Variants in TANC1 observed in about 807,000 individuals in gnomAD.
TANC1 encodes the protein protein TANC1.
In TANC1, 77 loss-of-function variants were observed where a neutral mutation model predicts 149.7. The ratio of observed to expected loss-of-function variants is 0.51; its 90% CI spans 0.43 to 0.62. The LOEUF is 0.62. Ranked by LOEUF, TANC1 falls within the 20% of genes least tolerant of loss-of-function variation. The probability of loss-of-function intolerance (pLI) is 0.00; values close to 1 mark genes in which losing one functional copy is unlikely to be tolerated. For synonymous variants in TANC1, 854 were observed against 925.0 expected, an observed-to-expected ratio of 0.92 and a Z score of 1.39; for missense variants, 1,985 against 2,321.8, an observed-to-expected ratio of 0.85 and a Z score of 2.98.
At chr2:159,034,616 A>C (rs2040036065) in intron 2 of TANC1, among the ~76,000 whole-genome samples, 1 of 152,194 alleles carries the variant, frequency 6.6e-6, no homozygotes, top group Admixed American at 6.5e-5. Flanking sequence ...TGTCTCATGG[A>C]AATGGAAGCT....
Position 159,172,878 on chromosome 2 carries a change from G to A in TANC1, c.1503+606G>A, listed in dbSNP as rs907561102. Among the ~76,000 whole-genome samples the A allele has an allele frequency of 6.6e-5, 10 of 152,176 alleles. No homozygotes were observed. In the East Asian group the frequency reaches 1.3e-3, roughly 21 times the overall value. ...TCCCTGGGCAGCAGTGGTGTGAGTCGGTGGAGCTGGAGAGCTGCTGGAGCC... is the reference window on the plus strand; with the variant it reads ...TCCCTGGGCAGCAGTGGTGTGAGTCAGTGGAGCTGGAGAGCTGCTGGAGCC... On this transcript the variant is annotated intron_variant, in intron 11 of 26. Coordinates refer to ENST00000263635, the MANE Select transcript of TANC1 (RefSeq NM_033394.3).
chr2:159,036,916 A>T (rs947122942), intron 2 of TANC1, among the ~76,000 whole-genome samples: 1 of 152,210 alleles, frequency 6.6e-6, no homozygotes, highest in Non-Finnish European at 1.5e-5. Flanking sequence ...CTAGTTCTAG[A>T]TCCTTGAGGA....
intron 2 of TANC1, among the ~76,000 whole-genome samples, chr2:159,002,879 A>T (rs531629526): frequency 6.6e-6 from 1 of 152,234 alleles, no homozygotes; most frequent in African/African-American, 2.4e-5. Flanking sequence ...AAGATGTCTC[A>T]TGGCAGGTCC....
chr2:159,096,798 G>A (rs887746277), intron 3 of TANC1, among the ~76,000 whole-genome samples: 5 of 152,302 alleles, frequency 3.3e-5, no homozygotes, highest in African/African-American at 9.6e-5. Flanking sequence ...GGGAACAGAC[G>A]TGAACTACTA....
In TANC1 at chr2:159,133,340, G is replaced by C. The variant is rs149573038; in HGVS notation, c.260-2854G>C. On this transcript the variant is annotated intron_variant, in intron 4 of 26. Coordinates refer to ENST00000263635, the MANE Select transcript of TANC1 (RefSeq NM_033394.3). ...TATATGGGTTCTTGTCTTTGTTCTGGTTCCTTTTTTTTTTTTTTCTCTTTT... is the reference window on the plus strand; with the variant it reads ...TATATGGGTTCTTGTCTTTGTTCTGCTTCCTTTTTTTTTTTTTTCTCTTTT... 4.6e-4 allele frequency among the ~76,000 whole-genome samples: 66 copies of C among 142,426 alleles called. No homozygotes were observed. The East Asian group carries it at 0.011, about 24-fold the overall frequency. The allele number at this position is 142,426 out of a possible 152,430, so 93.4% of individuals were successfully genotyped here.
intron 4 of TANC1, among the ~76,000 whole-genome samples, chr2:159,123,455 A>T (rs1424265658): frequency 6.6e-6 from 1 of 152,018 alleles, no homozygotes; most frequent in African/African-American, 2.4e-5. Context: ...GGAAGCTTTC[A>T]AGGGACTGGG....
chr2:159,059,198 G>C (rs975918326), intron 2 of TANC1, among the ~76,000 whole-genome samples: 2 of 152,136 alleles, frequency 1.3e-5, no homozygotes, highest in African/African-American at 4.8e-5. Flanking sequence ...ATATTTTCCA[G>C]CTATGCAAAT....
At chr2:159,176,275 C>T in intron 12 of TANC1, 77 bp from the exon 13 acceptor site, 5 of 761,780 alleles carry the variant, frequency 6.6e-6, no homozygotes, top group African/African-American at 1.8e-5. Context: ...CTAAACTGGG[C>T]ACTAAAATAC....
At chr2:159,090,396 T>TG (rs771694871) in intron 3 of TANC1, among the ~76,000 whole-genome samples, 4 of 152,216 alleles carry the variant, frequency 2.6e-5, no homozygotes, top group Non-Finnish European at 5.9e-5. Context: ...ACCACCTTCT[T>TG]GCTTCTGTGG....
intron 2 of TANC1, among the ~76,000 whole-genome samples, chr2:159,024,660 A>G (rs891594391): frequency 2.0e-5 from 3 of 152,014 alleles, no homozygotes; most frequent in Admixed American, 6.6e-5. Context: ...CTGAGGCAGG[A>G]GAATCGCTTG....
At chr2:159,196,910 C>A in intron 18 of TANC1, 117 bp downstream of exon 18, 1 of 946,458 alleles carries the variant, frequency 1.1e-6, no homozygotes, top group East Asian at 2.6e-5. Context: ...TGGCGTTGAC[C>A]ACCTGCAGTA....
chr2:159,022,539 G>GT (rs2038912098), intron 2 of TANC1, among the ~76,000 whole-genome samples: 1 of 152,158 alleles, frequency 6.6e-6, no homozygotes, highest in Non-Finnish European at 1.5e-5. Context: ...CAGGTCAGGA[G>GT]TTTGAGACCA....
At chr2:159,005,017 T>C (rs901474353) in intron 2 of TANC1, among the ~76,000 whole-genome samples, 1 of 152,240 alleles carries the variant, frequency 6.6e-6, no homozygotes, top group Admixed American at 6.5e-5. Flanking sequence ...GGGATGGGTC[T>C]GGCTAGTTAT....
intron 1 of TANC1, among the ~76,000 whole-genome samples, chr2:158,979,195 A>G (rs1279132940): frequency 6.6e-6 from 1 of 152,210 alleles, no homozygotes; most frequent in Non-Finnish European, 1.5e-5. Context: ...GTTTATAAGC[A>G]TAGGACCACT....
At position 159,176,480 on chromosome 2, in the gene TANC1, T is replaced by A; in HGVS notation, c.1864T>A (p.Trp622Arg). The A allele has an allele frequency of 6.2e-7, 1 of 1,602,680 alleles. No homozygotes were observed. The highest frequency in any genetic ancestry group is 8.5e-7 in the Non-Finnish European group (1 of 1,177,338). ...ITKIISKFPA[W>R]LKLIVTVRAN... ...CAAAATTATTTCTAAATTTCCTGCC[T>A]GGTTGAAGTTGATTGTGACTGTAAG... Residue 622 changes from tryptophan (W) to arginine (R), a missense_variant, in exon 13 of 27, where the codon TGG becomes AGG. By Grantham distance (101) the Trp-to-Arg change is moderately radical (BLOSUM62 -3). This residue lies in a region of TANC1 where 508 missense variants were observed against 714.2 expected (regional missense o/e 0.71). Coordinates refer to ENST00000263635, the MANE Select transcript of TANC1 (RefSeq NM_033394.3).
In TANC1 at chr2:159,097,733, G is replaced by T. The variant is rs754307451; in HGVS notation, c.158G>T (p.Arg53Met). ...CTTCCCACAGCAGAGGACACCTATA[G>T]GGTGAGCTTGGCCAAAGGTGTCTCG... ...SSLPTAEDTY[R>M]VSLAKGVSMS... Residue 53 changes from arginine (R) to methionine (M), a missense_variant, in exon 4 of 27, where the codon AGG becomes ATG. Physicochemically the swap from Arg to Met is moderately conservative, Grantham distance 91. Transcript: ENST00000263635. 3.1e-6 allele frequency: 5 copies of T among 1,614,086 alleles called. No individual in the cohort carries two copies. The East Asian group carries it at 1.1e-4, about 36-fold the overall frequency.
intron 4 of TANC1, among the ~76,000 whole-genome samples, chr2:159,124,587 C>T (rs1026775250): frequency 2.0e-5 from 3 of 152,128 alleles, no homozygotes; most frequent in Admixed American, 2.0e-4. Flanking sequence ...TGGCTTAAGG[C>T]CTACTTCCTG....
rs896691332 is a variant in TANC1, at chr2:159,174,988, G to A, written c.1539G>A (p.Thr513=). Residue 513 remains threonine, a synonymous_variant, in exon 12 of 27, where the codon ACG becomes ACA. Transcript: ENST00000263635. ...VAYHYCQADN[T]YTCLVPEFVH... is the part of the protein sequence containing the mutation. ...ACCACTACTGCCAGGCTGACAACAC[G>A]TACACTTGCCTGGTGCCCGAGTTTG... 1.9e-6 allele frequency: 3 copies of A among 1,614,094 alleles called. No individual in the cohort carries two copies. Among genetic ancestry groups the A allele is most frequent in the Non-Finnish European group, 2.5e-6 (3 of 1,180,034 alleles).
At chr2:159,121,169 T>C (rs2048810699) in intron 4 of TANC1, among the ~76,000 whole-genome samples, 1 of 152,154 alleles carries the variant, frequency 6.6e-6, no homozygotes, top group African/African-American at 2.4e-5. Context: ...AAGAGCAAAA[T>C]GGGGTTTCTC....
Sources: allele counts gnomAD v4.1 joint callset (sites outside exome capture counted in the v4.1 genomes callset), GRCh38; gene constraint gnomAD v4.1.1; regional missense constraint gnomAD v4.1.1; transcripts MANE v1.5; gene names NCBI Gene and HGNC (gene_info 2026-07-23, HGNC 2026-07-21).